The following SLCO3A1 variants were observed in gnomAD, a reference collection of about 807,000 sequenced individuals.
The protein encoded by SLCO3A1 is PGE1 transporter.
A neutral mutation model predicts 63.1 loss-of-function variants in SLCO3A1; 27 were observed. The ratio of observed to expected loss-of-function variants is 0.43; its 90% CI spans 0.32 to 0.59. The LOEUF is 0.59. SLCO3A1 is among the 20% of genes least tolerant of loss of function. The pLI is 0.09. For synonymous variants in SLCO3A1, 473 were observed against 409.9 expected, an observed-to-expected ratio of 1.15 and a Z score of -1.86; for missense variants, 773 against 945.8, an observed-to-expected ratio of 0.82 and a Z score of 2.40.
At position 91,885,674 on chromosome 15, in the gene SLCO3A1, G is replaced by A. The variant is rs1462063510; in HGVS notation, c.181-30319G>A. On this transcript the variant is annotated intron_variant, in intron 1 of 9. Transcript: ENST00000318445. This position sits in a 1 kb window ranked among gnomAD's most constrained non-coding sequence, Gnocchi z 4.7. ...TCTGTCCTTGATTTCATTCACAGTA[G>A]ACAGTTTTAGGTAGATCCCTGCTGT... Among the ~76,000 whole-genome samples the A allele has an allele frequency of 6.6e-6, 1 of 152,158 alleles. No individual in the cohort carries two copies.
intron 2 of SLCO3A1, among the ~76,000 whole-genome samples, chr15:91,918,529 T>A: frequency 6.6e-6 from 1 of 152,210 alleles, no homozygotes; most frequent in Admixed American, 6.5e-5. Flanking sequence ...AGAGGACAAG[T>A]CTTTTGCATA....
intron 2 of SLCO3A1, among the ~76,000 whole-genome samples, chr15:91,932,234 G>A (rs1899260977): frequency 6.6e-6 from 1 of 152,090 alleles, no homozygotes; most frequent in Non-Finnish European, 1.5e-5. Context: ...ATCAAATCTG[G>A]CCTGAAATTG....
At chr15:92,130,844 G>T (rs1208603565) in intron 7 of SLCO3A1, among the ~76,000 whole-genome samples, 2 of 114,424 alleles carry the variant, frequency 1.7e-5, no homozygotes, top group African/African-American at 3.5e-5. Context: ...TCCCTCCCTC[G>T]CCCCCTTTTT....
chr15:91,964,933 C>T (rs72755608), intron 2 of SLCO3A1, among the ~76,000 whole-genome samples: 9,073 of 152,036 alleles, frequency 0.06, 395 homozygotes, highest in Non-Finnish European at 0.091. Context: ...TGTCTTTCCA[C>T]GAGTTTTTGA....
intron 2 of SLCO3A1, among the ~76,000 whole-genome samples, chr15:91,932,163 A>T (rs1480036544): frequency 6.6e-6 from 1 of 152,110 alleles, no homozygotes; most frequent in African/African-American, 2.4e-5. Context: ...AGAATTAGTA[A>T]CTTGTGCAAA....
At chr15:91,915,304 C>G (rs1471169568) in intron 1 of SLCO3A1, among the ~76,000 whole-genome samples, 4 of 151,884 alleles carry the variant, frequency 2.6e-5, no homozygotes, top group African/African-American at 9.7e-5. Flanking sequence ...ATAGGGCAGA[C>G]AAGAATACAA....
intron 2 of SLCO3A1, among the ~76,000 whole-genome samples, chr15:92,009,659 C>G (rs1332144740): frequency 6.6e-6 from 1 of 152,208 alleles, no homozygotes; most frequent in Non-Finnish European, 1.5e-5. Flanking sequence ...TTTTGAATGA[C>G]AGTACCCACA....
At chr15:92,151,375 T>A (rs917525904) in intron 9 of SLCO3A1, among the ~76,000 whole-genome samples, 17 of 152,294 alleles carry the variant, frequency 1.1e-4, no homozygotes, top group African/African-American at 4.1e-4. Context: ...GGCCGCCAGC[T>A]GGGAGAGAGA....
intron 2 of SLCO3A1, among the ~76,000 whole-genome samples, chr15:91,970,555 G>A (rs368505007): frequency 6.6e-6 from 1 of 152,148 alleles, no homozygotes; most frequent in Non-Finnish European, 1.5e-5. Flanking sequence ...GAATGAAAGC[G>A]GGTAGGTAGG....
intron 1 of SLCO3A1, among the ~76,000 whole-genome samples, chr15:91,876,394 A>G (rs992476419): frequency 1.3e-5 from 2 of 152,238 alleles, no homozygotes; most frequent in African/African-American, 4.8e-5. Flanking sequence ...AAGGGCACCA[A>G]CGCAGACTGC....
chr15:91,892,338 A>G (rs1249262677), intron 1 of SLCO3A1, among the ~76,000 whole-genome samples: 2 of 152,092 alleles, frequency 1.3e-5, no homozygotes, highest in East Asian at 3.9e-4. Flanking sequence ...ATTTGGAGAA[A>G]AGCGCTAACA....
At chr15:92,022,492 C>G (rs1022825419) in intron 2 of SLCO3A1, among the ~76,000 whole-genome samples, 13 of 152,130 alleles carry the variant, frequency 8.5e-5, no homozygotes, top group Admixed American at 6.5e-4. Context: ...AAGCTCTTGC[C>G]TTGTAGGAGT....
At chr15:91,988,542 A>AT (rs36090397) in intron 2 of SLCO3A1, among the ~76,000 whole-genome samples, 36,666 of 152,066 alleles carry the variant, frequency 0.24, 4,948 homozygotes, top group East Asian at 0.33. Flanking sequence ...TAAAAAGGAA[A>AT]CGTGCAGATC....
At chr15:92,150,203 G>C (rs1043582238) in intron 8 of SLCO3A1, among the ~76,000 whole-genome samples, 1 of 152,170 alleles carries the variant, frequency 6.6e-6, no homozygotes, top group Non-Finnish European at 1.5e-5. Context: ...AGGTTGGAAG[G>C]CTAGGCCCAT....
intron 2 of SLCO3A1, among the ~76,000 whole-genome samples, chr15:91,984,815 A>AT (rs2046030122): frequency 6.6e-6 from 1 of 152,104 alleles, no homozygotes; most frequent in East Asian, 1.9e-4. Context: ...CTGAATTGTC[A>AT]TTGCTTTTCA....
At chr15:91,981,072 G>T (rs936568814) in intron 2 of SLCO3A1, among the ~76,000 whole-genome samples, 2 of 152,196 alleles carry the variant, frequency 1.3e-5, no homozygotes, top group Non-Finnish European at 2.9e-5. Flanking sequence ...GCATGAGCAA[G>T]TTGCCTCCCC....
chr15:92,084,660 A>C (rs1343384955), intron 2 of SLCO3A1, among the ~76,000 whole-genome samples: 1 of 152,304 alleles, frequency 6.6e-6, no homozygotes, highest in East Asian at 1.9e-4. Flanking sequence ...CTTTGCTCTC[A>C]GGGGCATAAA....
In SLCO3A1 at chr15:91,955,412, A is replaced by T. The variant is rs1055078278; in HGVS notation, c.646+38954A>T. Among the ~76,000 whole-genome samples, 12 of 151,492 alleles carry T rather than the reference A, an allele frequency of 7.9e-5. No individual in the cohort carries two copies. In the South Asian group the frequency reaches 1.7e-3, roughly 21 times the overall value. Reference sequence around the variant, plus strand: ...CAATGGCGTGGTTTCAGCTCACTACAACCTCCACCTCCCGGGTTCAACCAG... The same window carrying T: ...CAATGGCGTGGTTTCAGCTCACTACTACCTCCACCTCCCGGGTTCAACCAG... On this transcript the variant is annotated intron_variant, in intron 2 of 9. Transcript: ENST00000318445.
At chr15:92,062,574 G>A (rs1254362061) in intron 2 of SLCO3A1, among the ~76,000 whole-genome samples, 1 of 152,194 alleles carries the variant, frequency 6.6e-6, no homozygotes, top group Non-Finnish European at 1.5e-5. Context: ...GGAAAGAGAA[G>A]GGCTTGGCAA....
Sources: allele counts gnomAD v4.1 joint callset (sites outside exome capture counted in the v4.1 genomes callset), GRCh38; gene constraint gnomAD v4.1.1; non-coding constraint Gnocchi (gnomAD v3.1); transcripts MANE v1.5; gene names NCBI Gene and HGNC (gene_info 2026-07-23, HGNC 2026-07-21).